The following LUZP1 variants were observed in gnomAD, a reference collection of about 807,000 sequenced individuals.
LUZP1 encodes the protein leucine zipper protein 1.
LUZP1 carries 25 observed loss-of-function variants against 71.3 expected under a neutral mutation model. That is an observed-to-expected ratio of 0.35 (90% confidence interval 0.26 to 0.49). The LOEUF (loss-of-function observed/expected upper bound fraction) is 0.49, where lower values mean the gene tolerates loss of function less well. LUZP1 is among the 20% of genes least tolerant of loss of function. The pLI is 0.99. For synonymous variants in LUZP1, 481 were observed against 506.4 expected (o/e 0.95, Z 0.67); for missense variants, 1,142 against 1,300.8 (o/e 0.88, Z 1.88).
At chr1:23,115,842 C>T (rs1409531224) in intron 2 of LUZP1, among the ~76,000 whole-genome samples, 1 of 152,162 alleles carries the variant, frequency 6.6e-6, no homozygotes, top group African/African-American at 2.4e-5. Context: ...ACGCCCGGCC[C>T]TGCTGTTTCC....
chr1:23,117,454 CCTCTCTCT>C (rs1185318512), intron 2 of LUZP1, among the ~76,000 whole-genome samples: 2 of 13,358 alleles, frequency 1.5e-4, no homozygotes, highest in South Asian at 0.011. Context: ...TTTTTTTTTT[CCTCTCTCT>C]CTCTCTCTCT....
chr1:23,092,643 C>G (rs944382375), exon 4 of LUZP1: 4 of 1,614,060 alleles, frequency 2.5e-6, no homozygotes, highest in Admixed American at 1.7e-5. Context: ...TCCCCTCTTG[C>G]CAAAGACAGT....
chr1:23,124,547 A>C (rs1222963658), intron 2 of LUZP1, among the ~76,000 whole-genome samples: 4 of 152,326 alleles, frequency 2.6e-5, no homozygotes, highest in Middle Eastern at 3.4e-3. Context: ...CTTAATTTCA[A>C]GAGTTTTTCT....
chr1:23,084,269 C>G (rs1643723242), exon 5 of LUZP1: 1 of 152,194 alleles, frequency 6.6e-6, no homozygotes, highest in South Asian at 2.1e-4. Context: ...GCATTCATTA[C>G]AGAGGCTCTC....
chr1:23,164,441 A>G (rs9426812), intron 2 of LUZP1, among the ~76,000 whole-genome samples: 49,413 of 151,366 alleles, frequency 0.33, 8,482 homozygotes, highest in East Asian at 0.45. Context: ...GCAGTGAGCC[A>G]AGATCACACC....
intron 1 of LUZP1, among the ~76,000 whole-genome samples, chr1:23,169,195 T>C (rs1015944373): frequency 2.6e-5 from 4 of 151,740 alleles, no homozygotes; most frequent in Non-Finnish European, 4.4e-5. Flanking sequence ...CCCATCTCTA[T>C]AAAAAATACA....
chr1:23,089,118 C>T, intron 4 of LUZP1, 65 bp from the exon 4 acceptor site: 3 of 1,524,908 alleles, frequency 2.0e-6, no homozygotes, highest in South Asian at 2.4e-5. Flanking sequence ...GACACCCTCA[C>T]CTGCTACCAT....
At chr1:23,099,446 A>T (rs489644) in intron 3 of LUZP1, among the ~76,000 whole-genome samples, 4 of 152,164 alleles carry the variant, frequency 2.6e-5, no homozygotes, top group Non-Finnish European at 5.9e-5. Flanking sequence ...CTTCATGATA[A>T]ATAAAGCATA....
chr1:23,090,911 G>A (rs1289611270), intron 4 of LUZP1: 6 of 718,078 alleles, frequency 8.4e-6, no homozygotes, highest in East Asian at 2.7e-5. Context: ...GGCAAACCAA[G>A]GGAAGAGAAG....
chr1:23,094,579 C>T lies in LUZP1; in HGVS notation c.-119-199G>A, dbSNP rs892390395. ...CCGATATTGAGTTGATACCTCATTT[C>T]GCCCTAATAAAGAATGTCACCAGTG... On this transcript the variant is annotated intron_variant, in intron 3 of 4. Coordinates refer to ENST00000302291, the Ensembl canonical transcript of LUZP1. The surrounding 1 kb of genome is among the most constrained non-coding windows in gnomAD (Gnocchi z 4.7). Among the ~76,000 whole-genome samples, 10 of 152,128 alleles carry T rather than the reference C, an allele frequency of 6.6e-5. No individual in the cohort carries two copies. The highest frequency in any genetic ancestry group is 1.9e-4 in the East Asian group (1 of 5,188).
chr1:23,147,685 A>C (rs1341145263), intron 2 of LUZP1, among the ~76,000 whole-genome samples: 1 of 151,936 alleles, frequency 6.6e-6, no homozygotes, highest in African/African-American at 2.4e-5. Context: ...GCACATAGTA[A>C]GTGCTAAGCA....
chr1:23,104,860 G>A (rs1643967726), intron 3 of LUZP1, among the ~76,000 whole-genome samples: 1 of 152,216 alleles, frequency 6.6e-6, no homozygotes, highest in Admixed American at 6.5e-5. Context: ...AGGTGCCAAA[G>A]AGATCAGGCC....
In LUZP1 at chr1:23,093,687, C is replaced by T; in HGVS notation, c.575G>A (p.Ser192Asn). The change falls in exon 4 of 5, where the codon AGC becomes AAC. Residue 192 changes from serine (S) to asparagine (N), a missense_variant. Physicochemically the swap from Ser to Asn is conservative, Grantham distance 46 (BLOSUM62 1). Transcript: ENST00000302291. The surrounding 1 kb of genome is among the most constrained non-coding windows in gnomAD (Gnocchi z 4.2). The stretch of plus-strand genomic sequence containing the variant: ...CAAGTATTTTCTCTCACTTACAAAG[C>T]TCAGAGTTAATGATTTCAGCTTTTC... 6.2e-7 allele frequency: 1 copy of T among 1,613,598 alleles called. No homozygotes were observed. Among genetic ancestry groups the T allele is most frequent in the Non-Finnish European group, 8.5e-7 (1 of 1,179,978 alleles).
chr1:23,115,128 A>G (rs1463201556), intron 2 of LUZP1, among the ~76,000 whole-genome samples: 1 of 152,240 alleles, frequency 6.6e-6, no homozygotes, highest in Non-Finnish European at 1.5e-5. Context: ...TCAATAATAG[A>G]TATTTCAGTA....
rs10578041 is a variant in LUZP1, at chr1:23,136,295, A to AACACACACACACACACACAC, written c.-225-27188_-225-27169dup. On this transcript the variant is annotated intron_variant, in intron 2 of 4. Transcript: ENST00000302291. ...GCTGAGGCGGGCAGATTCCGTCTTA[A>AACACACACACACACACACAC]ACACACACACACACACACACACACA... Among the ~76,000 whole-genome samples the AACACACACACACACACACAC allele has an allele frequency of 3.8e-5, 5 of 130,248 alleles. No homozygotes were observed. The East Asian group carries it at 7.0e-4, about 18-fold the overall frequency. 85.4% of individuals were successfully genotyped at this position (130,248 alleles called of 152,430 possible). A position where few individuals can be genotyped will look rare whatever the true frequency, so the allele number is the denominator to read the frequency against.
chr1:23,105,742 C>A (rs1358071267), intron 3 of LUZP1, among the ~76,000 whole-genome samples: 3 of 152,140 alleles, frequency 2.0e-5, no homozygotes, highest in Non-Finnish European at 4.4e-5. Context: ...ATATCTTCAT[C>A]CAAATTGATG....
intron 2 of LUZP1, among the ~76,000 whole-genome samples, chr1:23,110,585 C>A (rs956895628): frequency 6.6e-5 from 9 of 137,254 alleles, no homozygotes. Context: ...CCAAAACATG[C>A]ACACATGCAC....
At position 23,138,695 on chromosome 1, in the gene LUZP1, GTGTATATATA is replaced by G. The variant is rs1200813702; in HGVS notation, c.-225-29578_-225-29569del. On this transcript the variant is annotated intron_variant, in intron 2 of 4. Coordinates refer to ENST00000302291, the Ensembl canonical transcript of LUZP1. ...TGTGTGTGTGTGTGTGTGTGTGTGT[GTGTATATATA>G]TATATATATAAATGAGGCCAGGCAC... 8.2e-5 allele frequency among the ~76,000 whole-genome samples: 9 copies of G among 109,626 alleles called. No individual in the cohort carries two copies. In the South Asian group the frequency reaches 1.1e-3, roughly 14 times the overall value. The allele number at this position is 109,626 out of a possible 152,430, so 71.9% of individuals were successfully genotyped here. A position where few individuals can be genotyped will look rare whatever the true frequency, so the allele number is the denominator to read the frequency against.
At chr1:23,178,063 C>T (rs1278252423), upstream of LUZP1, among the ~76,000 whole-genome samples, 1 of 152,154 alleles carries the variant, frequency 6.6e-6, no homozygotes, top group Non-Finnish European at 1.5e-5. Context: ...GCTTTCCGTC[C>T]GCGATCAAGT....
Sources: gnomAD v4.1 joint callset for allele counts (sites outside exome capture counted in the v4.1 genomes callset) on GRCh38, gnomAD v4.1.1 for gene constraint, Gnocchi (gnomAD v3.1) non-coding constraint, MANE v1.5 for transcripts, NCBI Gene and HGNC (gene_info 2026-07-23, HGNC 2026-07-21) for gene names.